The following CMKLR2 variants were observed in gnomAD, a reference collection of about 807,000 sequenced individuals.
The protein encoded by CMKLR2 is chemerin-like receptor 2.
CMKLR2 carries 18 observed loss-of-function variants against 23.0 expected under a neutral mutation model. The observed-to-expected ratio is 0.78, with a 90% CI of 0.54 to 1.16. The LOEUF is 1.16. Among genes scored for constraint, CMKLR2 ranks in the 50% most tolerant of loss-of-function variants. The pLI is 0.00. For missense variants in CMKLR2, 401 were observed against 412.7 expected, an observed-to-expected ratio of 0.97 and a Z score of 0.25; for synonymous variants, 158 against 158.9, an observed-to-expected ratio of 0.99 and a Z score of 0.05.
intron 1 of CMKLR2, among the ~76,000 whole-genome samples, chr2:206,189,099 G>C (rs1024377921): frequency 9.2e-5 from 14 of 152,324 alleles, no homozygotes; most frequent in African/African-American, 3.4e-4. Flanking sequence ...TGTTGAGTTA[G>C]ATAGGTTTTT....
intron 1 of CMKLR2, among the ~76,000 whole-genome samples, chr2:206,209,656 T>C (rs1246241595): frequency 6.6e-6 from 1 of 150,526 alleles, no homozygotes; most frequent in African/African-American, 2.4e-5. Context: ...TCTTTTTTTT[T>C]TTTTTTTTTT....
chr2:206,194,201 G>T (rs1489046549), intron 1 of CMKLR2, among the ~76,000 whole-genome samples: 1 of 152,156 alleles, frequency 6.6e-6, no homozygotes, highest in Non-Finnish European at 1.5e-5. Flanking sequence ...TGTAGCAACA[G>T]TAATGCTGTT....
chr2:206,195,880 G>T (rs1688905274), intron 1 of CMKLR2, among the ~76,000 whole-genome samples: 1 of 150,592 alleles, frequency 6.6e-6, no homozygotes, highest in Non-Finnish European at 1.5e-5. Flanking sequence ...CTTGAACCTG[G>T]GAGGCGGAGG....
chr2:206,210,885 A>C (rs966798228), intron 1 of CMKLR2, among the ~76,000 whole-genome samples: 9 of 152,216 alleles, frequency 5.9e-5, no homozygotes, highest in African/African-American at 2.2e-4. Context: ...TATCATTATA[A>C]ACCGTTAAAG....
chr2:206,204,261 G>A (rs1446265640), intron 1 of CMKLR2, among the ~76,000 whole-genome samples: 1 of 151,160 alleles, frequency 6.6e-6, no homozygotes, highest in Non-Finnish European at 1.5e-5. Context: ...GGCTGAGGCA[G>A]GAGAATGGTG....
chr2:206,197,783 C>T (rs1055717690), intron 1 of CMKLR2, among the ~76,000 whole-genome samples: 4 of 152,192 alleles, frequency 2.6e-5, no homozygotes, highest in Non-Finnish European at 5.9e-5. Flanking sequence ...TCCACCTCGG[C>T]CTCCCAAAGT....
intron 1 of CMKLR2, among the ~76,000 whole-genome samples, chr2:206,185,034 C>T (rs1217804456): frequency 2.6e-5 from 4 of 152,122 alleles, no homozygotes; most frequent in Admixed American, 2.6e-4. Flanking sequence ...GTTGCCTAGG[C>T]TGGAGTGCAG....
At chr2:206,211,486 G>A (rs1460944308) in intron 1 of CMKLR2, among the ~76,000 whole-genome samples, 1 of 151,766 alleles carries the variant, frequency 6.6e-6, no homozygotes, top group Non-Finnish European at 1.5e-5. Context: ...CACCACTTCT[G>A]GCTAATTTTT....
At chr2:206,190,693 TA>T (rs1254015594) in intron 1 of CMKLR2, among the ~76,000 whole-genome samples, 1 of 152,210 alleles carries the variant, frequency 6.6e-6, no homozygotes, top group Non-Finnish European at 1.5e-5. Context: ...TTATCAGTTT[TA>T]AAGGCAGCGA....
chr2:206,188,525 C>G (rs1324335388), intron 1 of CMKLR2, among the ~76,000 whole-genome samples: 1 of 152,188 alleles, frequency 6.6e-6, no homozygotes, highest in Non-Finnish European at 1.5e-5. Flanking sequence ...GCCACTTAAC[C>G]TCCAAGCTGT....
At chr2:206,211,534 G>A (rs1199941197) in intron 1 of CMKLR2, among the ~76,000 whole-genome samples, 2 of 151,600 alleles carry the variant, frequency 1.3e-5, no homozygotes, top group Non-Finnish European at 2.9e-5. Flanking sequence ...CTAAAGGCTG[G>A]TCTCGAACTC....
rs188869195 is a variant in CMKLR2, at chr2:206,194,601, A to C, written c.-28-17326T>G. ...GTCTCCCAAGTAGCCACGCCCGGCTAATTTTTGTATTTTTAGTAGAGACAG... is the reference window on the plus strand; with the variant it reads ...GTCTCCCAAGTAGCCACGCCCGGCTCATTTTTGTATTTTTAGTAGAGACAG... On this transcript the variant is annotated intron_variant, in intron 1 of 1. Transcript: ENST00000621141. Among the ~76,000 whole-genome samples, 269 of 150,324 alleles carry C rather than the reference A, an allele frequency of 1.8e-3. No homozygotes were observed. The Middle Eastern group carries it at 0.021, about 12-fold the overall frequency.
chr2:206,187,343 A>G (rs1242224410), intron 1 of CMKLR2, among the ~76,000 whole-genome samples: 1 of 152,226 alleles, frequency 6.6e-6, no homozygotes, highest in Non-Finnish European at 1.5e-5. Context: ...GCTAAGTTAT[A>G]CTTTGAACTA....
chr2:206,214,409 C>G (rs920311487), upstream of CMKLR2, among the ~76,000 whole-genome samples: 1 of 151,676 alleles, frequency 6.6e-6, no homozygotes, highest in Non-Finnish European at 1.5e-5. Flanking sequence ...TCTGACCCAC[C>G]TCGGTCTCCC....
chr2:206,201,858 G>A (rs1166095658), intron 1 of CMKLR2, among the ~76,000 whole-genome samples: 2 of 152,134 alleles, frequency 1.3e-5, no homozygotes, highest in Non-Finnish European at 2.9e-5. Context: ...CATGTGAGGA[G>A]CATTGAGCAA....
At chr2:206,216,940 C>T (rs967051383), upstream of CMKLR2, among the ~76,000 whole-genome samples, 6 of 152,260 alleles carry the variant, frequency 3.9e-5, no homozygotes, top group African/African-American at 1.4e-4. Flanking sequence ...ATTATTCTTT[C>T]TCTTTCTTGC....
intron 1 of CMKLR2, among the ~76,000 whole-genome samples, chr2:206,197,716 A>G (rs114246333): frequency 6.6e-6 from 1 of 151,996 alleles, no homozygotes; most frequent in Admixed American, 6.6e-5. Context: ...TTTTGTAGAG[A>G]TGGTGTCTTG....
chr2:206,214,430 G>A (rs956008134), upstream of CMKLR2, among the ~76,000 whole-genome samples: 1 of 151,818 alleles, frequency 6.6e-6, no homozygotes, highest in Non-Finnish European at 1.5e-5. Context: ...AAAGTGCCCG[G>A]CCTAAAGGTT....
Position 206,196,375 on chromosome 2 carries a change from A to AAAATAAATAAAAATAAAAATAAAT in CMKLR2, c.-29+16908_-29+16931dup. Among the ~76,000 whole-genome samples the AAAATAAATAAAAATAAAAATAAAT allele has an allele frequency of 2.0e-5, 3 of 149,662 alleles. No individual in the cohort carries two copies. The South Asian group carries it at 6.4e-4, about 32-fold the overall frequency. ...GGCGACAGTGAGACTCTGTCTCAAA[A>AAAATAAATAAAAATAAAAATAAAT]AAATAAATAAAAATAAAAATAAATA... On this transcript the variant is annotated intron_variant, in intron 1 of 1. Coordinates refer to ENST00000621141, the MANE Select transcript of CMKLR2 (RefSeq NM_001389445.1).
Sources: gnomAD v4.1 joint callset for allele counts (sites outside exome capture counted in the v4.1 genomes callset) on GRCh38, gnomAD v4.1.1 for gene constraint, MANE v1.5 for transcripts, NCBI Gene and HGNC (gene_info 2026-07-23, HGNC 2026-07-21) for gene names.